TNRC18: variants seen among roughly 807,000 people sequenced by gnomAD.
TNRC18 encodes trinucleotide repeat containing 18, also known as trinucleotide repeat-containing gene 18 protein.
Under a neutral mutation model 226.7 loss-of-function variants are expected in TNRC18, and 69 were observed. That is an observed-to-expected ratio of 0.30 (90% CI 0.25 to 0.37). The LOEUF (loss-of-function observed/expected upper bound fraction) is 0.37. Among genes scored for constraint, TNRC18 ranks in the 10% least tolerant of loss-of-function variants. The pLI, the probability that TNRC18 is intolerant of heterozygous loss-of-function variation, is 1.00. For synonymous variants in TNRC18, 2,449 were observed against 1,927.6 expected (o/e 1.27, Z -7.09); for missense variants, 4,754 against 4,256.6 (o/e 1.12, Z -3.25).
chr7:5,407,120 G>A (rs948449797), intron 2 of TNRC18: 4 of 152,284 alleles, frequency 2.6e-5, no homozygotes, highest in African/African-American at 9.6e-5. Context: ...GATAGAGCTC[G>A]AGGCTGGGGT....
chr7:5,380,858 C>T (rs1399829265), intron 5 of TNRC18, among the ~76,000 whole-genome samples: 1 of 152,158 alleles, frequency 6.6e-6, no homozygotes, highest in Non-Finnish European at 1.5e-5. Context: ...GGGAGACAGC[C>T]GTCCCAGCTT....
chr7:5,349,120 C>G (rs1171228251), intron 17 of TNRC18, among the ~76,000 whole-genome samples: 1 of 152,186 alleles, frequency 6.6e-6, no homozygotes, highest in Non-Finnish European at 1.5e-5. Flanking sequence ...TTCTGGATGC[C>G]CGCAACGTCC....
intron 2 of TNRC18, among the ~76,000 whole-genome samples, chr7:5,417,242 A>G (rs938650287): frequency 1.6e-4 from 25 of 152,104 alleles, no homozygotes; most frequent in Non-Finnish European, 5.9e-5. Context: ...CCAAGGCAGG[A>G]GGATTACTTG....
In TNRC18 at chr7:5,308,123, C is replaced by T. The variant is rs759618464; in HGVS notation, c.8890G>A (p.Val2964Met). Residue 2964 changes from valine to methionine, a missense_variant, in exon 30 of 30, where the codon GTG becomes ATG. Val to Met is a conservative substitution (Grantham distance 21). Transcript: ENST00000430969. Reference sequence around the variant, plus strand: ...CGGCGGGCTCAGCAGAGCACGGGCACGCCGTCCGTGGAGAAGATCATGCCC... The same window carrying T: ...CGGCGGGCTCAGCAGAGCACGGGCATGCCGTCCGTGGAGAAGATCATGCCC... Reference protein sequence around the residue: ...TTGMIFSTDGVPVLC With the variant: ...TTGMIFSTDGMPVLC 33 of 1,553,270 alleles carry T rather than the reference C, an allele frequency of 2.1e-5. No homozygotes were observed. Among genetic ancestry groups the T allele is most frequent in the African/African-American group, 6.8e-5 (5 of 73,212 alleles).
At chr7:5,354,262 C>T (rs900642628) in intron 16 of TNRC18, among the ~76,000 whole-genome samples, 4 of 152,046 alleles carry the variant, frequency 2.6e-5, no homozygotes, top group African/African-American at 7.2e-5. Context: ...TTCCCTCACA[C>T]GTGCCAAGAG....
intron 18 of TNRC18, among the ~76,000 whole-genome samples, chr7:5,337,245 A>G (rs948107883): frequency 6.6e-6 from 1 of 152,172 alleles, no homozygotes; most frequent in African/African-American, 2.4e-5. Flanking sequence ...AGAAAAAAAA[A>G]AAACTGTCAA....
At chr7:5,349,798 GCCA>G (rs1791592876) in intron 17 of TNRC18, among the ~76,000 whole-genome samples, 1 of 152,200 alleles carries the variant, frequency 6.6e-6, no homozygotes, top group African/African-American at 2.4e-5. Context: ...TACTAGAAAA[GCCA>G]AGCCAGTTAC....
intron 4 of TNRC18, 125 bp from the exon 5 acceptor site, chr7:5,389,461 G>GTTTTTTTGTTTTTTTTTGTTTTTTT: frequency 7.1e-6 from 4 of 564,670 alleles, no homozygotes; most frequent in Non-Finnish European, 9.1e-6. Flanking sequence ...TTTGGTTTTG[G>GTTTTTTTGTTTTTTTTTGTTTTTTT]TTTTTTTTTT....
intron 2 of TNRC18, among the ~76,000 whole-genome samples, chr7:5,400,404 G>GT (rs1244343803): frequency 6.6e-6 from 1 of 152,058 alleles, no homozygotes; most frequent in African/African-American, 2.4e-5. Flanking sequence ...GAGGTCAGGG[G>GT]TTCTAGACCA....
chr7:5,357,924 G>A (rs537171686), intron 15 of TNRC18, among the ~76,000 whole-genome samples: 9 of 152,326 alleles, frequency 5.9e-5, no homozygotes, highest in African/African-American at 1.2e-4. Context: ...CTGGTGCTGT[G>A]GTTACACTGA....
At chr7:5,411,039 C>A (rs981918836) in intron 2 of TNRC18, among the ~76,000 whole-genome samples, 2 of 151,568 alleles carry the variant, frequency 1.3e-5, no homozygotes, top group Non-Finnish European at 2.9e-5. Context: ...AACTCCGTCT[C>A]CATTTTAAAA....
chr7:5,345,683 G>A lies in TNRC18; in HGVS notation c.5598C>T (p.Gly1866=). Residue 1866 remains glycine, a synonymous_variant, in exon 18 of 30, where the codon GGC becomes GGT. Transcript: ENST00000430969. ...LSPGLEESGL[G]LLARFAASAL... is the part of the protein sequence containing the mutation. Reference sequence around the variant, plus strand: ...CGCTGGCGGCGAAGCGTGCCAGCAGGCCCAGCCCACTCTCCTCCAGGCCCG... The same window carrying A: ...CGCTGGCGGCGAAGCGTGCCAGCAGACCCAGCCCACTCTCCTCCAGGCCCG... The A allele has an allele frequency of 6.5e-7, 1 of 1,549,956 alleles. No individual in the cohort carries two copies. Among genetic ancestry groups the A allele is most frequent in the South Asian group, 1.2e-5 (1 of 84,066 alleles).
chr7:5,381,645 G>A (rs144487356), intron 5 of TNRC18, among the ~76,000 whole-genome samples: 223 of 152,158 alleles, frequency 1.5e-3, no homozygotes, highest in African/African-American at 5.1e-3. Flanking sequence ...GAAAAAGAAA[G>A]GAAAGAAGGA....
chr7:5,311,906 G>A (rs1787257933), intron 27 of TNRC18, among the ~76,000 whole-genome samples: 1 of 152,122 alleles, frequency 6.6e-6, no homozygotes, highest in African/African-American at 2.4e-5. Flanking sequence ...TCCGAGGCAG[G>A]CAGATCACTT....
chr7:5,339,380 C>A (rs1790446497), intron 18 of TNRC18, among the ~76,000 whole-genome samples: 1 of 151,898 alleles, frequency 6.6e-6, no homozygotes, highest in Admixed American at 6.6e-5. Flanking sequence ...GCTGGGATTA[C>A]AGGTGCCCAC....
chr7:5,377,482 C>A lies in TNRC18; in HGVS notation c.2350G>T (p.Ala784Ser), dbSNP rs1779071709. The A allele has an allele frequency of 6.3e-7, 1 of 1,581,282 alleles. No homozygotes were observed. Among genetic ancestry groups the A allele is most frequent in the Non-Finnish European group, 8.6e-7 (1 of 1,164,762 alleles). ...GACCAGCGACCTGAGCCCGCCAGCG[C>A]CGGGCCCCCCGTCACCATGAGGTTG... ...NPNLMVTGGPALAGSGRWSAD... is the reference protein window; with the variant it reads ...NPNLMVTGGPSLAGSGRWSAD... The change falls in exon 7 of 30, where the codon GCG becomes TCG. Residue 784 changes from alanine (A) to serine (S), a missense_variant. By Grantham distance (99) the Ala-to-Ser change is moderately conservative. Transcript: ENST00000430969. The surrounding 1 kb of genome is among the most constrained non-coding windows in gnomAD (Gnocchi z 5.8).
Position 5,362,712 on chromosome 7 carries a change from G to C in TNRC18, c.4333C>G (p.Arg1445Gly). Reference sequence around the variant, plus strand: ...TTGGGCTTCAGCTCCCGCGGGAGCCGCAGGTTCTTGAGTGGGTCCACCACG... The same window carrying C: ...TTGGGCTTCAGCTCCCGCGGGAGCCCCAGGTTCTTGAGTGGGTCCACCACG... ...GPVVDPLKNLRLPRELKPNKK... is the reference protein window; with the variant it reads ...GPVVDPLKNLGLPRELKPNKK... The change falls in exon 12 of 30, where the codon CGG (arginine) becomes GGG (glycine). Residue 1445 changes from arginine (R) to glycine (G), a missense_variant. By Grantham distance (125) the Arg-to-Gly change is moderately radical. Transcript: ENST00000430969. 6.3e-7 allele frequency: 1 copy of C among 1,580,162 alleles called. No individual in the cohort carries two copies. Among genetic ancestry groups the C allele is most frequent in the Non-Finnish European group, 8.6e-7 (1 of 1,163,964 alleles).
At chr7:5,375,215 A>G (rs1794539992) in intron 9 of TNRC18, among the ~76,000 whole-genome samples, 1 of 152,226 alleles carries the variant, frequency 6.6e-6, no homozygotes, top group Non-Finnish European at 1.5e-5. Flanking sequence ...AGGCTGAGGC[A>G]GGAGAATCGT....
chr7:5,339,555 G>C (rs1583829995), intron 18 of TNRC18, among the ~76,000 whole-genome samples: 1 of 148,012 alleles, frequency 6.8e-6, no homozygotes, highest in Non-Finnish European at 1.5e-5. Context: ...GTGTGTGTGT[G>C]TGTGTGTGTG....
Sources: gnomAD v4.1 joint callset for allele counts (sites outside exome capture counted in the v4.1 genomes callset) on GRCh38, gnomAD v4.1.1 for gene constraint, Gnocchi (gnomAD v3.1) non-coding constraint, MANE v1.5 for transcripts, NCBI Gene and HGNC (gene_info 2026-07-23, HGNC 2026-07-21) for gene names.